LRRTM4: variants seen among roughly 807,000 people sequenced by gnomAD.
LRRTM4 encodes the protein leucine-rich repeat transmembrane neuronal protein 4.
In LRRTM4, 25 loss-of-function variants were observed where a neutral mutation model predicts 47.6. The observed-to-expected ratio is 0.53, with a 90% CI of 0.38 to 0.73. The LOEUF is 0.73. Among genes scored for constraint, LRRTM4 ranks in the 30% least tolerant of loss-of-function variants. The pLI is 0.00. For synonymous variants in LRRTM4, 311 were observed against 269.5 expected (o/e 1.15, Z -1.51); for missense variants, 638 against 713.4 (o/e 0.89, Z 1.20).
At chr2:76,922,765 A>G (rs1674472401) in intron 3 of LRRTM4, among the ~76,000 whole-genome samples, 1 of 152,116 alleles carries the variant, frequency 6.6e-6, no homozygotes, top group Non-Finnish European at 1.5e-5. Flanking sequence ...GTGAACCTTA[A>G]GTAGTCTCAC....
In LRRTM4 at chr2:77,369,867, T is replaced by A. The variant is rs1001660704; in HGVS notation, c.1551+148451A>T. On this transcript the variant is annotated intron_variant, in intron 3 of 3. Transcript: ENST00000409884. ...TAACACAATGGAAAGTATTTGTATA[T>A]CTAAACATAGAAAAGGTACAGTGAA... Among the ~76,000 whole-genome samples the A allele has an allele frequency of 2.0e-5, 3 of 151,704 alleles. No homozygotes were observed. In the East Asian group the frequency reaches 5.8e-4, roughly 29 times the overall value.
intron 3 of LRRTM4, among the ~76,000 whole-genome samples, chr2:76,954,522 A>G (rs891811306): frequency 2.0e-5 from 3 of 151,694 alleles, no homozygotes; most frequent in African/African-American, 4.8e-5. Context: ...AAAAAAATGG[A>G]AAAGAGGGAT....
chr2:77,364,443 T>C (rs75201207), intron 3 of LRRTM4, among the ~76,000 whole-genome samples: 2,808 of 152,156 alleles, frequency 0.018, 109 homozygotes, highest in African/African-American at 0.064. Flanking sequence ...GACTAAATGC[T>C]CACTTACAGG....
intron 3 of LRRTM4, among the ~76,000 whole-genome samples, chr2:77,331,751 AT>A (rs1670978879): frequency 6.6e-6 from 1 of 152,100 alleles, no homozygotes; most frequent in South Asian, 2.1e-4. Context: ...GCATCTCATG[AT>A]TACTTCTATT....
chr2:77,233,035 GA>G (rs1675010724), intron 3 of LRRTM4, among the ~76,000 whole-genome samples: 1 of 152,178 alleles, frequency 6.6e-6, no homozygotes, highest in Admixed American at 6.5e-5. Flanking sequence ...GTTAGATAAA[GA>G]AATTGCATTG....
At chr2:77,357,122 A>C (rs1671996480) in intron 3 of LRRTM4, among the ~76,000 whole-genome samples, 1 of 152,176 alleles carries the variant, frequency 6.6e-6, no homozygotes, top group African/African-American at 2.4e-5. Flanking sequence ...GAGATATTTT[A>C]TTATGAGTAG....
At chr2:77,426,428 A>G (rs1430442311) in intron 3 of LRRTM4, among the ~76,000 whole-genome samples, 1 of 152,154 alleles carries the variant, frequency 6.6e-6, no homozygotes, top group Non-Finnish European at 1.5e-5. Flanking sequence ...CAAAACACTT[A>G]CAGGCTTTCC....
At chr2:77,329,738 G>A (rs904577839) in intron 3 of LRRTM4, among the ~76,000 whole-genome samples, 2 of 152,058 alleles carry the variant, frequency 1.3e-5, no homozygotes, top group African/African-American at 4.8e-5. Context: ...GGAGGGGAGT[G>A]GACAGGATAC....
chr2:76,923,179 GAT>G (rs1674484884), intron 3 of LRRTM4, among the ~76,000 whole-genome samples: 1 of 151,966 alleles, frequency 6.6e-6, no homozygotes, highest in Non-Finnish European at 1.5e-5. Context: ...ATTAAAAAGA[GAT>G]AGGTTTTAAC....
chr2:77,212,838 T>C (rs1462899514), intron 3 of LRRTM4, among the ~76,000 whole-genome samples: 2 of 152,126 alleles, frequency 1.3e-5, no homozygotes, highest in Non-Finnish European at 1.5e-5. Flanking sequence ...ATAAAAGATA[T>C]CGTATTTATT....
Position 77,048,699 on chromosome 2 carries a change from A to T in LRRTM4, c.1552-299783T>A, listed in dbSNP as rs138618147. 1.3e-3 allele frequency among the ~76,000 whole-genome samples: 196 copies of T among 150,430 alleles called. 1 individual carries two copies. The highest frequency in any genetic ancestry group is 0.01 in the Middle Eastern group (3 of 292). On this transcript the variant is annotated intron_variant, in intron 3 of 3. Transcript: ENST00000409884. ...CATAGTGTGATATTTTGATACATGCATACCATATGTAATTATCAATTCAGG... is the reference window on the plus strand; with the variant it reads ...CATAGTGTGATATTTTGATACATGCTTACCATATGTAATTATCAATTCAGG...
intron 3 of LRRTM4, among the ~76,000 whole-genome samples, chr2:77,321,044 A>C (rs1329625612): frequency 6.6e-6 from 1 of 152,156 alleles, no homozygotes; most frequent in African/African-American, 2.4e-5. Context: ...GCAAAATATT[A>C]TCCTTATTTC....
intron 3 of LRRTM4, among the ~76,000 whole-genome samples, chr2:77,067,686 T>TACACACACACACACACACAC (rs3058033): frequency 2.1e-5 from 3 of 140,724 alleles, no homozygotes; most frequent in African/African-American, 8.3e-5. Context: ...CAAAGATACG[T>TACACACACACACACACACAC]ACACACACAC....
chr2:76,995,863 C>T (rs1160878764), intron 3 of LRRTM4, among the ~76,000 whole-genome samples: 3 of 151,960 alleles, frequency 2.0e-5, no homozygotes, highest in Non-Finnish European at 4.4e-5. Context: ...TACACAAACA[C>T]CTATTCAAGA....
At chr2:76,838,843 A>G (rs552894722) in intron 3 of LRRTM4, among the ~76,000 whole-genome samples, 2 of 152,240 alleles carry the variant, frequency 1.3e-5, no homozygotes, top group African/African-American at 4.8e-5. Flanking sequence ...ATCTTCGAAA[A>G]TTTCAGATAT....
chr2:77,463,683 T>C (rs1676874396), intron 3 of LRRTM4, among the ~76,000 whole-genome samples: 1 of 152,114 alleles, frequency 6.6e-6, no homozygotes, highest in African/African-American at 2.4e-5. Context: ...CCTTGTTACA[T>C]TCCTCCTAGT....
At chr2:77,385,705 A>C (rs922761943) in intron 3 of LRRTM4, among the ~76,000 whole-genome samples, 6 of 150,568 alleles carry the variant, frequency 4.0e-5, no homozygotes, top group Non-Finnish European at 8.9e-5. Flanking sequence ...TTTCTAAAAA[A>C]TAAAAATATA....
At chr2:77,013,639 T>A (rs1434032160) in intron 3 of LRRTM4, among the ~76,000 whole-genome samples, 1 of 152,156 alleles carries the variant, frequency 6.6e-6, no homozygotes, top group Admixed American at 6.5e-5. Flanking sequence ...TTGTCTTCAG[T>A]GGAAGCAACA....
chr2:76,912,665 C>T (rs1674111656), intron 3 of LRRTM4, among the ~76,000 whole-genome samples: 1 of 152,136 alleles, frequency 6.6e-6, no homozygotes, highest in South Asian at 2.1e-4. Context: ...ATTGTAATCC[C>T]CATTGCTGGA....
Sources: allele counts gnomAD v4.1 joint callset (sites outside exome capture counted in the v4.1 genomes callset), GRCh38; gene constraint gnomAD v4.1.1; transcripts MANE v1.5; gene names NCBI Gene and HGNC (gene_info 2026-07-23, HGNC 2026-07-21).